The following TBC1D2B variants were observed in gnomAD, a reference collection of about 807,000 sequenced individuals.
TBC1D2B encodes the protein TBC1 domain family, member 2B.
Under a neutral mutation model 100.8 loss-of-function variants are expected in TBC1D2B, and 64 were observed. The ratio of observed to expected loss-of-function variants is 0.64; its 90% CI spans 0.52 to 0.78. The LOEUF (loss-of-function observed/expected upper bound fraction) is 0.78. TBC1D2B is among the 30% of genes least tolerant of loss of function. The pLI is 0.00. For missense variants in TBC1D2B, 1,052 were observed against 1,218.4 expected, an observed-to-expected ratio of 0.86 and a Z score of 2.03; for synonymous variants, 480 against 479.7, an observed-to-expected ratio of 1.00 and a Z score of -0.01.
intron 9 of TBC1D2B, among the ~76,000 whole-genome samples, chr15:78,009,974 CAAAAAA>C (rs59641885): frequency 1.0e-5 from 1 of 95,946 alleles, no homozygotes; most frequent in African/African-American, 4.1e-5. Flanking sequence ...GACTCCGTCT[CAAAAAA>C]AAAAAAAAAA....
At chr15:78,065,508 T>A (rs773381053) in intron 1 of TBC1D2B, among the ~76,000 whole-genome samples, 9 of 152,108 alleles carry the variant, frequency 5.9e-5, no homozygotes, top group Non-Finnish European at 1.0e-4. Flanking sequence ...CAAAATACTT[T>A]CTGTTTCAGA....
chr15:78,053,183 C>T (rs549876409), intron 2 of TBC1D2B, among the ~76,000 whole-genome samples: 1 of 152,290 alleles, frequency 6.6e-6, no homozygotes, highest in South Asian at 2.1e-4. Flanking sequence ...TCGGATGCAG[C>T]CCTGTGTTCT....
chr15:78,045,869 T>A lies in TBC1D2B; in HGVS notation c.515-801A>T, dbSNP rs543600411. On this transcript the variant is annotated intron_variant, in intron 2 of 12. Transcript: ENST00000300584. ...GTAATATTATGTTATTCTTCGTATATGTTTAAAATTTCCCATAATAAAAAG... is the reference window on the plus strand; with the variant it reads ...GTAATATTATGTTATTCTTCGTATAAGTTTAAAATTTCCCATAATAAAAAG... Among the ~76,000 whole-genome samples the A allele has an allele frequency of 6.6e-5, 10 of 152,334 alleles. No homozygotes were observed. The South Asian group carries it at 2.1e-3, about 32-fold the overall frequency.
Position 77,999,928 on chromosome 15 carries a change from T to C in TBC1D2B, c.2697-1573A>G, listed in dbSNP as rs145667154. ...CTCCTAGAAGTCCTGCTGCAGAACA[T>C]GGTTCAATCCTGTGTAACTCCCGTC... On this transcript the variant is annotated intron_variant, in intron 12 of 12. Transcript: ENST00000300584. 7.1e-3 allele frequency among the ~76,000 whole-genome samples: 1,074 copies of C among 152,304 alleles called. 9 individuals are homozygous for C. Among genetic ancestry groups the C allele is most frequent in the Non-Finnish European group, 0.012 (799 of 68,024 alleles).
At chr15:78,063,896 G>A (rs964075886) in intron 1 of TBC1D2B, among the ~76,000 whole-genome samples, 1 of 151,064 alleles carries the variant, frequency 6.6e-6, no homozygotes, top group African/African-American at 2.5e-5. Flanking sequence ...GGGCCTCTGG[G>A]TCTCCAGATT....
chr15:78,013,007 GC>G lies in TBC1D2B; in HGVS notation c.2085del (p.Leu695PhefsTer61). ...DNTEPGHFQT[L>X]LQKALEKQNP... ...TTCTGTTTCTCCAGCGCCTTCTGCA[GC>G]AAGGTCTGGAAGTGGCCAGGCTCAG... On this transcript the variant is annotated frameshift_variant, in exon 9 of 13. Transcript: ENST00000300584. LOFTEE classifies it high-confidence loss of function. 1 of 1,603,980 alleles carries G rather than the reference GC, an allele frequency of 6.2e-7. No individual in the cohort carries two copies. The highest frequency in any genetic ancestry group is 8.5e-7 in the Non-Finnish European group (1 of 1,171,884).
At chr15:78,028,039 T>C (rs1426491712) in intron 4 of TBC1D2B, among the ~76,000 whole-genome samples, 1 of 152,218 alleles carries the variant, frequency 6.6e-6, no homozygotes, top group Non-Finnish European at 1.5e-5. Context: ...TCCTAAGTGC[T>C]TACTCTCGCA....
chr15:77,999,572 G>C (rs1271606260), intron 12 of TBC1D2B, among the ~76,000 whole-genome samples: 5 of 152,166 alleles, frequency 3.3e-5, no homozygotes, highest in African/African-American at 1.2e-4. Context: ...CTGCAGACCA[G>C]GCTGCCAGCC....
chr15:77,999,239 C>A (rs891793094), intron 12 of TBC1D2B: 10 of 451,022 alleles, frequency 2.2e-5, no homozygotes, highest in Admixed American at 2.1e-4. Context: ...CCAGGAAAAG[C>A]TGTGATGAAA....
chr15:78,073,446 T>C (rs1271263754), intron 1 of TBC1D2B, among the ~76,000 whole-genome samples: 2 of 152,194 alleles, frequency 1.3e-5, no homozygotes, highest in Non-Finnish European at 2.9e-5. Context: ...TAAAATTATA[T>C]ACCACTAGCT....
intron 3 of TBC1D2B, among the ~76,000 whole-genome samples, chr15:78,038,881 T>C (rs1173000984): frequency 6.6e-6 from 1 of 152,172 alleles, no homozygotes; most frequent in East Asian, 1.9e-4. Flanking sequence ...CCTTCTGATA[T>C]GTGGGCCCCT....
In TBC1D2B at chr15:78,034,584, C is replaced by T. The variant is rs188173004; in HGVS notation, c.684-4414G>A. 4.1e-6 allele frequency: 4 copies of T among 985,090 alleles called. No individual in the cohort carries two copies. In the East Asian group the frequency reaches 4.5e-4, roughly 112 times the overall value. The allele number at this position is 985,090 out of a possible 1,614,324, so 61.0% of individuals were successfully genotyped here. A position where few individuals can be genotyped will look rare whatever the true frequency, so the allele number is the denominator to read the frequency against. The stretch of plus-strand genomic sequence containing the variant: ...CCCCACACGGCCTGGGGAGAGAGAA[C>T]AGTAATTTCAGTGACTTAGAACTGC... On this transcript the variant is annotated intron_variant, in intron 3 of 12. Transcript: ENST00000300584.
chr15:78,076,149 G>C (rs1252565575), intron 1 of TBC1D2B, among the ~76,000 whole-genome samples: 1 of 152,004 alleles, frequency 6.6e-6, no homozygotes, highest in Non-Finnish European at 1.5e-5. Context: ...GGAGGTGACA[G>C]TCTAGTCCCC....
Position 78,073,968 on chromosome 15 carries a change from C to CA in TBC1D2B, c.360+3324dup, listed in dbSNP as rs1026520627. Among the ~76,000 whole-genome samples, 1,046 of 138,710 alleles carry CA rather than the reference C, an allele frequency of 7.5e-3. 17 individuals carry two copies. Among genetic ancestry groups the CA allele is most frequent in the African/African-American group, 0.025 (951 of 37,914 alleles). The allele number at this position is 138,710 out of a possible 152,430, so 91.0% of individuals were successfully genotyped here. On this transcript the variant is annotated intron_variant, in intron 1 of 12. Coordinates refer to ENST00000300584, the MANE Select transcript of TBC1D2B (RefSeq NM_144572.2). ...TGGGCGACACAGCAAGACTCTGTTT[C>CA]AAAAAAAAAAAGGGAGCAGGGTTTT...
chr15:78,010,336 C>G (rs1385739250), intron 9 of TBC1D2B, among the ~76,000 whole-genome samples: 1 of 152,224 alleles, frequency 6.6e-6, no homozygotes, highest in East Asian at 1.9e-4. Context: ...TCTGGAGCAG[C>G]AGGATGGAAA....
intron 7 of TBC1D2B, chr15:78,017,024 C>T (rs2072394549): frequency 3.4e-6 from 1 of 290,626 alleles, no homozygotes; most frequent in East Asian, 7.8e-5. Context: ...GCAGCAGGAA[C>T]CAGGCTACAT....
intron 1 of TBC1D2B, among the ~76,000 whole-genome samples, chr15:78,067,210 T>G (rs537981256): frequency 2.0e-5 from 3 of 152,156 alleles, no homozygotes; most frequent in South Asian, 2.1e-4. Flanking sequence ...GTATCACACA[T>G]GGGAAGGGGG....
intron 4 of TBC1D2B, among the ~76,000 whole-genome samples, chr15:78,029,726 TAA>T (rs777766958): frequency 7.2e-5 from 11 of 152,374 alleles, no homozygotes; most frequent in Non-Finnish European, 1.5e-4. Context: ...CAAATTTCTA[TAA>T]AGTTTTTTAA....
At chr15:78,039,254 C>T (rs1003419942) in intron 3 of TBC1D2B, among the ~76,000 whole-genome samples, 9 of 152,188 alleles carry the variant, frequency 5.9e-5, no homozygotes, top group Admixed American at 2.6e-4. Context: ...ACCAAACATC[C>T]GGGTGCCTGC....
Sources: allele counts gnomAD v4.1 joint callset (sites outside exome capture counted in the v4.1 genomes callset), GRCh38; gene constraint gnomAD v4.1.1; transcripts MANE v1.5; gene names NCBI Gene and HGNC (gene_info 2026-07-23, HGNC 2026-07-21).